Variants in GRM5 observed in about 807,000 individuals in gnomAD.
GRM5 encodes the protein metabotropic glutamate receptor 5.
Under a neutral mutation model 83.1 loss-of-function variants are expected in GRM5, and 19 were observed. The ratio of observed to expected loss-of-function variants is 0.23; its 90% confidence interval spans 0.16 to 0.34. GRM5 has a LOEUF of 0.34. Ranked by LOEUF, GRM5 falls within the 10% of genes least tolerant of loss-of-function variation. The pLI, the probability that GRM5 is intolerant of heterozygous loss-of-function variation, is 1.00. For missense variants in GRM5, 1,160 were observed against 1,588.3 expected, an observed-to-expected ratio of 0.73 and a Z score of 4.58; for synonymous variants, 675 against 633.6, an observed-to-expected ratio of 1.07 and a Z score of -0.98.
intron 2 of GRM5, among the ~76,000 whole-genome samples, chr11:88,978,459 A>C: frequency 7.2e-6 from 1 of 139,278 alleles, no homozygotes; most frequent in Non-Finnish European, 1.6e-5. Flanking sequence ...TAACATTAAC[A>C]ACAGCAGATG....
At chr11:88,749,714 AG>A (rs745632524) in intron 3 of GRM5, among the ~76,000 whole-genome samples, 25 of 152,204 alleles carry the variant, frequency 1.6e-4, no homozygotes, top group South Asian at 4.1e-4. Flanking sequence ...TCACTTACAA[AG>A]GAAAACCTAT....
chr11:88,907,588 A>G (rs1945427679), intron 2 of GRM5, among the ~76,000 whole-genome samples: 1 of 152,180 alleles, frequency 6.6e-6, no homozygotes, highest in African/African-American at 2.4e-5. Context: ...TCATGCGAAT[A>G]TTAGAAATTA....
chr11:88,940,828 T>C (rs1245839712), intron 2 of GRM5, among the ~76,000 whole-genome samples: 1 of 151,982 alleles, frequency 6.6e-6, no homozygotes, highest in African/African-American at 2.4e-5. Context: ...ATAAGAATAT[T>C]CACTATAGAA....
intron 4 of GRM5, among the ~76,000 whole-genome samples, chr11:88,624,754 G>A (rs1300891212): frequency 6.6e-6 from 1 of 152,042 alleles, no homozygotes; most frequent in Non-Finnish European, 1.5e-5. Flanking sequence ...GTGCTTCTTA[G>A]ACAATCAATT....
At chr11:88,533,123 G>A (rs1565327430) in intron 8 of GRM5, among the ~76,000 whole-genome samples, 1 of 152,112 alleles carries the variant, frequency 6.6e-6, no homozygotes, top group Non-Finnish European at 1.5e-5. Flanking sequence ...TCAAAACGCT[G>A]TTAGTTACCC....
At chr11:88,784,086 C>A (rs1208988515) in intron 3 of GRM5, among the ~76,000 whole-genome samples, 2 of 151,992 alleles carry the variant, frequency 1.3e-5, no homozygotes, top group Non-Finnish European at 2.9e-5. Context: ...ACCACTATAC[C>A]ACCATGGCCA....
chr11:88,932,418 G>T (rs1301423421), intron 2 of GRM5, among the ~76,000 whole-genome samples: 1 of 151,950 alleles, frequency 6.6e-6, no homozygotes, highest in East Asian at 1.9e-4. Context: ...AAAACTTACA[G>T]TGTATATGCA....
chr11:88,912,693 C>A (rs1235126522), intron 2 of GRM5, among the ~76,000 whole-genome samples: 1 of 152,204 alleles, frequency 6.6e-6, no homozygotes, highest in East Asian at 1.9e-4. Context: ...AATGTTCAAT[C>A]TTTCTATAGT....
rs941601131 is a variant in GRM5, at chr11:89,058,455, T to C, written c.-201+7321A>G. 3.9e-5 allele frequency among the ~76,000 whole-genome samples: 6 copies of C among 152,272 alleles called. No individual in the cohort carries two copies. The East Asian group carries it at 9.7e-4, about 25-fold the overall frequency. On this transcript the variant is annotated intron_variant, in intron 1 of 9. Coordinates refer to ENST00000305447, the MANE Select transcript of GRM5 (RefSeq NM_001143831.3). ...GCCTGTATGTCAAAGTCACTTCCAG[T>C]TGAAAAACACTAATTTACATGAAAG...
intron 2 of GRM5, among the ~76,000 whole-genome samples, chr11:89,045,458 T>C (rs1941622350): frequency 6.6e-6 from 1 of 152,160 alleles, no homozygotes. Flanking sequence ...ATGTTATATA[T>C]ACAGAAATGC....
chr11:88,825,797 A>G (rs1943885660), intron 3 of GRM5, among the ~76,000 whole-genome samples: 2 of 152,170 alleles, frequency 1.3e-5, no homozygotes, highest in African/African-American at 4.8e-5. Context: ...ACCCTCAAGG[A>G]AATTAAGGTG....
intron 3 of GRM5, among the ~76,000 whole-genome samples, chr11:88,750,627 T>C (rs149010753): frequency 2.7e-4 from 41 of 152,320 alleles, no homozygotes; most frequent in Admixed American, 8.5e-4. Context: ...TTCAATAGAA[T>C]ATACATTCTT....
chr11:88,509,373 G>T lies in GRM5; in HGVS notation c.2858C>A (p.Pro953His). Reference sequence around the variant, plus strand: ...CAGGCCACGGCTCTCCGTGCTCTTGGGGAAGGGCTTGATGACGGCCGTTTG... The same window carrying T: ...CAGGCCACGGCTCTCCGTGCTCTTGTGGAAGGGCTTGATGACGGCCGTTTG... The part of the protein sequence containing the change: ...PNQTAVIKPF[P>H]KSTESRGLGA... Residue 953 changes from proline to histidine, a missense_variant, in exon 10 of 10, where the codon CCC becomes CAC. This residue lies in a region of GRM5 where 562 missense variants were observed against 532.4 expected (regional missense o/e 1.06). Coordinates refer to ENST00000305447, the MANE Select transcript of GRM5 (RefSeq NM_001143831.3). 1 of 1,612,278 alleles carries T rather than the reference G, an allele frequency of 6.2e-7. No individual in the cohort carries two copies. The highest frequency in any genetic ancestry group is 8.5e-7 in the Non-Finnish European group (1 of 1,179,814).
At chr11:88,969,677 T>C (rs1389589505) in intron 2 of GRM5, among the ~76,000 whole-genome samples, 1 of 152,162 alleles carries the variant, frequency 6.6e-6, no homozygotes, top group Non-Finnish European at 1.5e-5. Flanking sequence ...TTCTGTATGA[T>C]TATTTTACAT....
Position 88,883,703 on chromosome 11 carries a change from A to C in GRM5, c.662-33548T>G, listed in dbSNP as rs868172095. 4.6e-5 allele frequency among the ~76,000 whole-genome samples: 7 copies of C among 152,090 alleles called. No individual in the cohort carries two copies. The South Asian group carries it at 6.2e-4, about 14-fold the overall frequency. ...CCATCATGGCAGTCCCTCCCATCAC[A>C]GGCCTGGAGGCTTAGGAGGAAAAAA... On this transcript the variant is annotated intron_variant, in intron 2 of 9. Coordinates refer to ENST00000305447, the MANE Select transcript of GRM5 (RefSeq NM_001143831.3).
chr11:88,907,325 G>C (rs1249617486), intron 2 of GRM5, among the ~76,000 whole-genome samples: 1 of 151,944 alleles, frequency 6.6e-6, no homozygotes, highest in Non-Finnish European at 1.5e-5. Flanking sequence ...TCCCACAGAG[G>C]GACCACAGGA....
intron 3 of GRM5, among the ~76,000 whole-genome samples, chr11:88,751,072 C>CA (rs774458890): frequency 0.16 from 7,669 of 46,930 alleles, 399 homozygotes; most frequent in Non-Finnish European, 0.2. Flanking sequence ...TAGCAGAAGC[C>CA]AAAAAAAAAA....
At chr11:88,549,878 G>A (rs188023585) in intron 8 of GRM5, among the ~76,000 whole-genome samples, 6 of 152,250 alleles carry the variant, frequency 3.9e-5, no homozygotes, top group Admixed American at 2.0e-4. Context: ...GATTACGCTG[G>A]TAGCTGCTGG....
intron 2 of GRM5, among the ~76,000 whole-genome samples, chr11:88,904,678 C>G (rs1331667069): frequency 1.3e-5 from 2 of 152,096 alleles, no homozygotes; most frequent in Non-Finnish European, 2.9e-5. Flanking sequence ...CTTACATAAC[C>G]ATTATATACA....
Sources: allele counts gnomAD v4.1 joint callset (sites outside exome capture counted in the v4.1 genomes callset), GRCh38; gene constraint gnomAD v4.1.1; regional missense constraint gnomAD v4.1.1; transcripts MANE v1.5; gene names NCBI Gene and HGNC (gene_info 2026-07-23, HGNC 2026-07-21).